Variants in G6PD observed in about 807,000 individuals in gnomAD.
G6PD encodes glucose-6-phosphate 1-dehydrogenase.
G6PD carries 2 observed loss-of-function variants against 38.2 expected under a neutral mutation model. That is an observed-to-expected ratio of 0.05 (90% CI 0.02 to 0.16). G6PD has a LOEUF of 0.16. G6PD is among the 10% of genes least tolerant of loss of function. G6PD has a pLI of 1.00. For missense variants in G6PD, 310 were observed against 471.6 expected, an observed-to-expected ratio of 0.66 and a Z score of 3.17; for synonymous variants, 188 against 196.0, an observed-to-expected ratio of 0.96 and a Z score of 0.34.
rs782608615 is a variant in G6PD at position 154,533,695 on chromosome X, G to A, written c.771-26C>T. ...CTGGGGACGGAAGAGGCCAGAGCTCGCCTTAGCTCCCCGCCCTGTTCACCT... is the reference window on the plus strand; with the variant it reads ...CTGGGGACGGAAGAGGCCAGAGCTCACCTTAGCTCCCCGCCCTGTTCACCT... On this transcript the variant is annotated intron_variant, in intron 7 of 12. Coordinates refer to ENST00000393562, the MANE Select transcript of G6PD (RefSeq NM_001360016.2). 6 of 1,209,347 alleles carry A rather than the reference G, an allele frequency of 5.0e-6. No homozygotes were observed. In the East Asian group the frequency reaches 8.9e-5, roughly 18 times the overall value.
Position 154,532,962 on chromosome X carries a change from A to G in G6PD, c.1031T>C (p.Val344Ala), listed in dbSNP as rs1557229827. The change falls in exon 9 of 13, where the codon GTG becomes GCG. Residue 344 changes from valine (V) to alanine (A), a missense_variant. Physicochemically the swap from Val to Ala is moderately conservative, Grantham distance 64. Coordinates refer to ENST00000393562, the MANE Select transcript of G6PD (RefSeq NM_001360016.2). ...CCTACCATCCCACCTCTCATTCTCC[A>G]CATAGAGGACGACGGCTGCAAAAGT... ...TATFAAVVLY[V>A]ENERWDGVPF... 8.3e-7 allele frequency: 1 copy of G among 1,211,028 alleles called. No homozygotes were observed. The highest frequency in any genetic ancestry group is 1.8e-5 in the South Asian group (1 of 56,941).
intron 5 of G6PD, 48 bp downstream of exon 5, chrX:154,535,120 C>T: frequency 8.8e-7 from 1 of 1,138,785 alleles, no homozygotes; most frequent in East Asian, 3.0e-5. Flanking sequence ...GGGAGCACTG[C>T]CTGGGCCAGC....
intron 7 of G6PD, 31 bp from the exon 8 acceptor site, chrX:154,533,700 A>C: frequency 8.3e-7 from 1 of 1,210,171 alleles, no homozygotes; most frequent in Non-Finnish European, 1.1e-6. Context: ...AGCTCGCCTT[A>C]GCTCCCCGCC....
chrX:154,533,227 G>T, intron 8 of G6PD, 99 bp from the exon 9 acceptor site: 2 of 992,419 alleles, frequency 2.0e-6, no homozygotes, highest in Non-Finnish European at 2.8e-6. Flanking sequence ...GGCAGGAGGA[G>T]GCCCCTGCTT....
chrX:154,546,804 G>C lies in G6PD; in HGVS notation c.-24C>G, dbSNP rs782130452. On this transcript the variant is annotated 5_prime_UTR_variant, in exon 1 of 13. Transcript: ENST00000393562. ...GGCCGGTTACCTGCGCTTCGTCGTC[G>C]TCGCCCTCCGCGCTCGCAGCCCCGA... 7.8e-6 allele frequency: 9 copies of C among 1,160,177 alleles called. No homozygotes were observed. The highest frequency in any genetic ancestry group is 1.8e-5 in the African/African-American group (1 of 55,682).
intron 2 of G6PD, among the ~76,000 whole-genome samples, chrX:154,536,617 C>T (rs1308555769): frequency 9.0e-6 from 1 of 111,224 alleles, no homozygotes; most frequent in Non-Finnish European, 1.9e-5. Context: ...GGCAGATCAC[C>T]TGAAGTCAGG....
intron 7 of G6PD, 112 bp downstream of exon 7, chrX:154,533,923 T>C: frequency 8.3e-7 from 1 of 1,203,618 alleles, no homozygotes; most frequent in East Asian, 3.0e-5. Flanking sequence ...ACACTTAGGT[T>C]TTGAACTGCA....
In G6PD at chrX:154,539,488, TAA is replaced by T. The variant is rs1340131825; in HGVS notation, c.121-3312_121-3311del. 5.4e-5 allele frequency among the ~76,000 whole-genome samples: 6 copies of T among 111,202 alleles called. 1 individual carries two copies. The Admixed American group carries it at 5.8e-4, about 11-fold the overall frequency. ...GAGGGTGTACAGCCAATTGTACAGT[TAA>T]GATTTGCGCACCAACAAAAGACGGC... On this transcript the variant is annotated intron_variant, in intron 2 of 12. Transcript: ENST00000393562.
rs144918804 is a variant in G6PD at position 154,545,801 on chromosome X, C to T, written c.120+235G>A. 12,549 of 362,128 alleles carry T rather than the reference C, an allele frequency of 0.035. 234 individuals carry two copies. Among genetic ancestry groups the T allele is most frequent in the Non-Finnish European group, 0.046 (9,536 of 208,297 alleles). 29.8% of individuals were successfully genotyped at this position (362,128 alleles called of 1,213,427 possible). ...AGTGAGCCAAGATGGCGCCACTGCA[C>T]CCCATCCTGGGCGACCAGAGCAAAA... On this transcript the variant is annotated intron_variant, in intron 2 of 12. Coordinates refer to ENST00000393562, the MANE Select transcript of G6PD (RefSeq NM_001360016.2).
chrX:154,543,495 A>G (rs1353763176), intron 2 of G6PD, among the ~76,000 whole-genome samples: 2 of 112,102 alleles, frequency 1.8e-5, no homozygotes, highest in African/African-American at 3.2e-5. Flanking sequence ...GAGGTGTCTA[A>G]TAAGAGCTGA....
At chrX:154,537,043 C>A (rs2070416500) in intron 2 of G6PD, among the ~76,000 whole-genome samples, 1 of 112,282 alleles carries the variant, frequency 8.9e-6, no homozygotes, top group African/African-American at 3.2e-5. Context: ...CAGTGGCTTA[C>A]TCCTGTAATC....
chrX:154,536,958 G>A (rs1474005435), intron 2 of G6PD, among the ~76,000 whole-genome samples: 1 of 112,828 alleles, frequency 8.9e-6, no homozygotes, highest in Non-Finnish European at 1.9e-5. Context: ...GCTGGAAATT[G>A]GTGTTTGAAA....
rs1557230647 is a variant in G6PD at position 154,535,370 on chromosome X, T to G, written c.283A>C (p.Lys95Gln). 9.9e-6 allele frequency: 12 copies of G among 1,209,002 alleles called. No homozygotes were observed. Among genetic ancestry groups the G allele is most frequent in the Non-Finnish European group, 1.3e-5 (12 of 894,450 alleles). Residue 95 changes from lysine to glutamine, a missense_variant, in exon 5 of 13, where the codon AAG (lysine) becomes CAG (glutamine). Transcript: ENST00000393562. ...GCAAAGAAGTCCTCCAGCTTGAGCTTCTCCTCTGGGGTGGCCTGGGAGACA... is the reference window on the plus strand; with the variant it reads ...GCAAAGAAGTCCTCCAGCTTGAGCTGCTCCTCTGGGGTGGCCTGGGAGACA... ...EPFFKATPEEKLKLEDFFARN... is the reference protein window; with the variant it reads ...EPFFKATPEEQLKLEDFFARN...
Position 154,531,661 on chromosome X carries a change from T to C in G6PD, c.*339A>G. The C allele has an allele frequency of 4.7e-6, 1 of 212,890 alleles. No individual in the cohort carries two copies. Among genetic ancestry groups the C allele is most frequent in the Non-Finnish European group, 8.7e-6 (1 of 115,294 alleles). 17.5% of individuals were successfully genotyped at this position (212,890 alleles called of 1,213,427 possible). A position where few individuals can be genotyped will look rare whatever the true frequency, so the allele number is the denominator to read the frequency against. On this transcript the variant is annotated 3_prime_UTR_variant, in exon 13 of 13. Transcript: ENST00000393562. ...TCCCCCTCGTCCCTCCCTCCCACCC[T>C]GGCCCCACTCAGGAGTGAGACCCAG...
Position 154,539,219 on chromosome X carries a change from A to C in G6PD, c.121-3041T>G, listed in dbSNP as rs781868596. Among the ~76,000 whole-genome samples the C allele has an allele frequency of 2.7e-5, 3 of 112,017 alleles. No individual in the cohort carries two copies. In the East Asian group the frequency reaches 8.3e-4, roughly 31 times the overall value. On this transcript the variant is annotated intron_variant, in intron 2 of 12. Coordinates refer to ENST00000393562, the MANE Select transcript of G6PD (RefSeq NM_001360016.2). ...CACAAAGACCTGCACACGAATGGTC[A>C]CAGCAGCCTTGGTTCATAGCGGCCC... is the stretch of plus-strand genomic sequence containing the variant.
rs1463025333 is a variant in G6PD, at chrX:154,535,681, GCT to G, written c.267+254_267+255del. ...ACCTGGGAGAAATACACTGGAGAAA[GCT>G]CTCTCTCCAAAATCATGACACCCAA... On this transcript the variant is annotated intron_variant, in intron 4 of 12. Coordinates refer to ENST00000393562, the MANE Select transcript of G6PD (RefSeq NM_001360016.2). The G allele has an allele frequency of 1.2e-3, 524 of 450,501 alleles. 1 individual carries two copies. The highest frequency in any genetic ancestry group is 0.01 in the African/African-American group (422 of 41,176). 37.1% of individuals were successfully genotyped at this position (450,501 alleles called of 1,213,427 possible).
chrX:154,531,753 TGGA>T lies in G6PD; in HGVS notation c.*244_*246del, dbSNP rs1557229286. 16 of 407,016 alleles carry T rather than the reference TGGA, an allele frequency of 3.9e-5. No individual in the cohort carries two copies. Among genetic ancestry groups the T allele is most frequent in the Non-Finnish European group, 1.3e-5 (3 of 236,392 alleles). 33.5% of individuals were successfully genotyped at this position (407,016 alleles called of 1,213,427 possible). ...CTTCCTTCTGTTGGGCTGGAGTGAG[TGGA>T]GGAGGTGACTCAGCTCCTGGGCTCA... On this transcript the variant is annotated 3_prime_UTR_variant, in exon 13 of 13. Transcript: ENST00000393562.
In G6PD at chrX:154,532,722, C is replaced by T. The variant is rs371489738; in HGVS notation, c.1132G>A (p.Gly378Ser). The T allele has an allele frequency of 9.9e-6, 12 of 1,210,896 alleles. No individual in the cohort carries two copies. The highest frequency in any genetic ancestry group is 1.2e-5 in the Non-Finnish European group (11 of 895,342). ...TTGCACTGCTGGTGGAAGATGTCGCCGGCCACATCATGGAACTGCAGCCTC... is the reference window on the plus strand; with the variant it reads ...TTGCACTGCTGGTGGAAGATGTCGCTGGCCACATCATGGAACTGCAGCCTC... Reference protein sequence around the residue: ...EVRLQFHDVAGDIFHQQCKRN... With the variant: ...EVRLQFHDVASDIFHQQCKRN... Residue 378 changes from glycine to serine, a missense_variant, in exon 10 of 13, where the codon GGC becomes AGC. Gly to Ser is a moderately conservative substitution (Grantham distance 56). Coordinates refer to ENST00000393562, the MANE Select transcript of G6PD (RefSeq NM_001360016.2).
upstream of G6PD, chrX:154,547,310 C>G (rs2070769095): frequency 1.3e-6 from 1 of 753,591 alleles, no homozygotes; most frequent in South Asian, 6.7e-5. Context: ...CTCGCCTGTT[C>G]GCGGGTCAAG....
Sources: gnomAD v4.1 joint callset for allele counts (sites outside exome capture counted in the v4.1 genomes callset) on GRCh38, gnomAD v4.1.1 for gene constraint, MANE v1.5 for transcripts, NCBI Gene and HGNC (gene_info 2026-07-23, HGNC 2026-07-21) for gene names.